Variants in C16orf96 observed in about 807,000 individuals in gnomAD.
C16orf96 encodes chromosome 16 open reading frame 96.
In C16orf96, 108 loss-of-function variants were observed where a neutral mutation model predicts 103.6. The observed-to-expected ratio is 1.04, with a 90% CI of 0.89 to 1.22. C16orf96 has a LOEUF of 1.22. Ranked by LOEUF, C16orf96 falls within the 50% of genes most tolerant of loss-of-function variation. The pLI, the probability that C16orf96 is intolerant of heterozygous loss-of-function variation, is 0.00. For synonymous variants in C16orf96, 566 were observed against 593.5 expected, an observed-to-expected ratio of 0.95 and a Z score of 0.67; for missense variants, 1,586 against 1,464.2, an observed-to-expected ratio of 1.08 and a Z score of -1.36.
At chr16:4,554,918 C>G (rs550279530), upstream of C16orf96, among the ~76,000 whole-genome samples, 1 of 151,866 alleles carries the variant, frequency 6.6e-6, no homozygotes, top group Non-Finnish European at 1.5e-5. Context: ...CGTGAGCCAC[C>G]GCGCCCAGCC....
In C16orf96 at chr16:4,600,124, G is replaced by A. The variant is rs1433818435; in HGVS notation, c.3233G>A (p.Cys1078Tyr). Residue 1078 changes from cysteine to tyrosine, a missense_variant, in exon 16 of 16, where the codon TGC (cysteine) becomes TAC (tyrosine). Coordinates refer to ENST00000444310, the MANE Select transcript of C16orf96 (RefSeq NM_001145011.2). ...GCCCTGTGCCCCCGCTCCAGTGCCT[G>A]CTCAGCTGCCTCGGGCCCTCACCTG... ...CPPLCPRSSA[C>Y]SAASGPHLTM... is the part of the protein sequence containing the mutation. 1.3e-6 allele frequency: 2 copies of A among 1,551,644 alleles called. No homozygotes were observed. Among genetic ancestry groups the A allele is most frequent in the East Asian group, 2.4e-5 (1 of 40,916 alleles).
chr16:4,586,731 A>G (rs1024333689), intron 7 of C16orf96, among the ~76,000 whole-genome samples: 8 of 152,168 alleles, frequency 5.3e-5, no homozygotes, highest in Admixed American at 3.3e-4. Flanking sequence ...CATGCCTTAA[A>G]CATCCAGGGA....
At chr16:4,585,668 CTT>C (rs1896909105) in intron 7 of C16orf96, among the ~76,000 whole-genome samples, 1 of 152,212 alleles carries the variant, frequency 6.6e-6, no homozygotes, top group Non-Finnish European at 1.5e-5. Flanking sequence ...GCAAATCACT[CTT>C]GGGGTTCTGG....
At chr16:4,541,048 G>A in the C16orf96 span, among the ~76,000 whole-genome samples, 2 of 151,980 alleles carry the variant, frequency 1.3e-5, no homozygotes, top group African/African-American at 4.8e-5. Flanking sequence ...TGAGGAGCTA[G>A]GACTATAGGT....
At chr16:4,577,334 C>T (rs1049474240) in intron 5 of C16orf96, among the ~76,000 whole-genome samples, 1 of 151,990 alleles carries the variant, frequency 6.6e-6, no homozygotes, top group African/African-American at 2.4e-5. Flanking sequence ...AGTTCGAGAC[C>T]ACCCTGGGTA....
Position 4,599,265 on chromosome 16 carries a change from T to C in C16orf96, c.3128-19T>C. On this transcript the variant is annotated intron_variant, in intron 14 of 15. Transcript: ENST00000444310. ...GGGGTGGATGCCACCCACACCTGTC[T>C]CTTTTCTTTTCTGCTAAGCTGTGAA... 1 of 1,550,320 alleles carries C rather than the reference T, an allele frequency of 6.5e-7. No homozygotes were observed. The highest frequency in any genetic ancestry group is 8.7e-7 in the Non-Finnish European group (1 of 1,145,886).
At chr16:4,567,526 G>T (rs1190933264) in intron 1 of C16orf96, among the ~76,000 whole-genome samples, 1 of 150,584 alleles carries the variant, frequency 6.6e-6, no homozygotes, top group Admixed American at 6.6e-5. Flanking sequence ...CTCATCATCC[G>T]CCCACCTCGG....
At chr16:4,581,606 C>G (rs1407074187) in intron 7 of C16orf96, among the ~76,000 whole-genome samples, 1 of 151,972 alleles carries the variant, frequency 6.6e-6, no homozygotes, top group Non-Finnish European at 1.5e-5. Context: ...GCACTCCAGC[C>G]TGGGCGACAG....
At chr16:4,543,569 C>T in the C16orf96 span, among the ~76,000 whole-genome samples, 1 of 152,142 alleles carries the variant, frequency 6.6e-6, no homozygotes, top group Non-Finnish European at 1.5e-5. Flanking sequence ...AAGTGATCCT[C>T]TCACCTTGGC....
chr16:4,556,760 T>C lies in C16orf96; in HGVS notation c.271T>C (p.Leu91=), dbSNP rs1344271247. The change falls in exon 1 of 16, where the codon TTG becomes CTG. Residue 91 remains leucine, a synonymous_variant. Coordinates refer to ENST00000444310, the MANE Select transcript of C16orf96 (RefSeq NM_001145011.2). ...CCACGTGGTGAGCCGCCTCGACAAGTTGGAGAACCAGCTGGCCCTGCTGCA... is the reference window on the plus strand; with the variant it reads ...CCACGTGGTGAGCCGCCTCGACAAGCTGGAGAACCAGCTGGCCCTGCTGCA... ...FDHVVSRLDK[L]ENQLALLQDL... 2 of 1,551,570 alleles carry C rather than the reference T, an allele frequency of 1.3e-6. No individual in the cohort carries two copies. Among genetic ancestry groups the C allele is most frequent in the African/African-American group, 1.4e-5 (1 of 73,030 alleles).
chr16:4,574,642 C>A, intron 2 of C16orf96, 67 bp from the exon 3 acceptor site: 1 of 1,305,832 alleles, frequency 7.7e-7, no homozygotes, highest in Non-Finnish European at 1.1e-6. Flanking sequence ...TCACCTAGAG[C>A]CACGGGAAAA....
rs1897099656 is a variant in C16orf96, at chr16:4,593,258, T to C, written c.2809T>C (p.Ser937Pro). Residue 937 changes from serine to proline, a missense_variant, in exon 12 of 16, where the codon TCC becomes CCC. By Grantham distance (74) the Ser-to-Pro change is moderately conservative. Coordinates refer to ENST00000444310, the MANE Select transcript of C16orf96 (RefSeq NM_001145011.2). The surrounding 1 kb of genome is among the most constrained non-coding windows in gnomAD (Gnocchi z 4.2). ...LITIRKAHLL[S>P]RLRPASANSC... ...CACCATCCGCAAAGCCCACCTGCTG[T>C]CCCGGCTGCGGCCAGCCAGCGCCAA... is the stretch of plus-strand genomic sequence containing the variant. 6.4e-7 allele frequency: 1 copy of C among 1,551,090 alleles called. No homozygotes were observed. The highest frequency in any genetic ancestry group is 8.7e-7 in the Non-Finnish European group (1 of 1,146,898).
rs1321263751 is a variant in C16orf96, at chr16:4,593,157, G to A, written c.2775-67G>A. ...GCTGGGAAGGCTTCCTGGAGGGGTG[G>A]GAGACGAGCCCTCTGCTGGCCTAGC... is the stretch of plus-strand genomic sequence containing the variant. On this transcript the variant is annotated intron_variant, in intron 11 of 15. Coordinates refer to ENST00000444310, the MANE Select transcript of C16orf96 (RefSeq NM_001145011.2). This position sits in a 1 kb window ranked among gnomAD's most constrained non-coding sequence, Gnocchi z 4.2. 4 of 1,442,032 alleles carry A rather than the reference G, an allele frequency of 2.8e-6. No homozygotes were observed. The highest frequency in any genetic ancestry group is 5.0e-5 in the East Asian group (2 of 40,108). 89.3% of individuals were successfully genotyped at this position (1,442,032 alleles called of 1,614,324 possible).
intron 1 of C16orf96, chr16:4,562,872 T>C: frequency 7.2e-7 from 1 of 1,395,862 alleles, no homozygotes; most frequent in Non-Finnish European, 1.0e-6. Flanking sequence ...GCTCCATTGT[T>C]CTGGATTTAA....
At chr16:4,555,520 G>A (rs542143953), upstream of C16orf96, among the ~76,000 whole-genome samples, 21 of 151,480 alleles carry the variant, frequency 1.4e-4, no homozygotes, top group Non-Finnish European at 2.5e-4. Context: ...TTACAGGCAC[G>A]TGCCACCACG....
chr16:4,560,519 A>G (rs1227553372), intron 1 of C16orf96: 2 of 152,012 alleles, frequency 1.3e-5, no homozygotes, highest in African/African-American at 4.8e-5. Context: ...ATATTTTTAT[A>G]CTTTAATATT....
intron 9 of C16orf96, 113 bp downstream of exon 9, chr16:4,588,444 C>T: frequency 2.4e-6 from 3 of 1,247,990 alleles, no homozygotes; most frequent in Middle Eastern, 3.9e-4. Flanking sequence ...TGGGAGTGAC[C>T]CAGCAACTTA....
chr16:4,575,311 G>T lies in C16orf96; in HGVS notation c.831G>T (p.Leu277=). Residue 277 remains leucine, a synonymous_variant, in exon 5 of 16, where the codon CTG becomes CTT. Transcript: ENST00000444310. ...VSEPVQNPQL[L]QTVWHYEVPE... ...AGCCCGTCCAAAACCCCCAGCTACT[G>T]CAGACTGTCTGGCATTATGAGGTCC... 1 of 1,551,258 alleles carries T rather than the reference G, an allele frequency of 6.4e-7. No individual in the cohort carries two copies. The highest frequency in any genetic ancestry group is 8.7e-7 in the Non-Finnish European group (1 of 1,146,990).
chr16:4,547,161 G>A, the C16orf96 span, among the ~76,000 whole-genome samples: 3 of 152,276 alleles, frequency 2.0e-5, no homozygotes, highest in African/African-American at 4.8e-5. Context: ...CTGAGACAGC[G>A]TCTCGCTCTG....
Sources: gnomAD v4.1 joint callset for allele counts (sites outside exome capture counted in the v4.1 genomes callset) on GRCh38, gnomAD v4.1.1 for gene constraint, Gnocchi (gnomAD v3.1) non-coding constraint, MANE v1.5 for transcripts, NCBI Gene and HGNC (gene_info 2026-07-23, HGNC 2026-07-21) for gene names.